The following GPC5 variants were observed in gnomAD, a reference collection of about 807,000 sequenced individuals.
GPC5 encodes the protein glypican 5.
A neutral mutation model predicts 53.9 loss-of-function variants in GPC5; 47 were observed. The ratio of observed to expected loss-of-function variants is 0.87; its 90% CI spans 0.69 to 1.11. The LOEUF (loss-of-function observed/expected upper bound fraction) is 1.11, where lower values mean the gene tolerates loss of function less well. Among genes scored for constraint, GPC5 ranks in the 50% most tolerant of loss-of-function variants. The pLI is 0.00. For synonymous variants in GPC5, 286 were observed against 263.3 expected (o/e 1.09, Z -0.84); for missense variants, 748 against 713.1 (o/e 1.05, Z -0.56).
intron 7 of GPC5, among the ~76,000 whole-genome samples, chr13:92,505,640 T>C (rs2138942023): frequency 6.6e-6 from 1 of 152,212 alleles, no homozygotes; most frequent in Admixed American, 6.6e-5. Flanking sequence ...CTTAGATTTA[T>C]ACAAAACCTA....
At chr13:92,039,044 A>G (rs534775500) in intron 6 of GPC5, among the ~76,000 whole-genome samples, 1 of 152,338 alleles carries the variant, frequency 6.6e-6, no homozygotes, top group South Asian at 2.1e-4. Flanking sequence ...TTTTCTATTA[A>G]GCAAGAAAGA....
At chr13:92,831,996 T>C (rs1412412740) in intron 7 of GPC5, among the ~76,000 whole-genome samples, 2 of 152,166 alleles carry the variant, frequency 1.3e-5, no homozygotes, top group Non-Finnish European at 2.9e-5. Context: ...ATCATATATG[T>C]TCTTTACTAA....
At chr13:91,927,929 G>A (rs2039784291) in intron 6 of GPC5, among the ~76,000 whole-genome samples, 1 of 152,094 alleles carries the variant, frequency 6.6e-6, no homozygotes, top group South Asian at 2.1e-4. Context: ...GCAAGAATAT[G>A]GAAGTATTTC....
intron 7 of GPC5, among the ~76,000 whole-genome samples, chr13:92,645,609 T>C (rs887066582): frequency 3.3e-5 from 5 of 152,176 alleles, no homozygotes; most frequent in African/African-American, 1.2e-4. Flanking sequence ...AGTGCTAATC[T>C]GTTTTCCAAA....
At chr13:91,687,357 G>T (rs546854781) in intron 2 of GPC5, among the ~76,000 whole-genome samples, 113 of 151,744 alleles carry the variant, frequency 7.4e-4, no homozygotes, top group Non-Finnish European at 1.2e-3. Context: ...ATCATTTGTG[G>T]GTTTAATAAA....
chr13:92,252,013 C>T (rs1280738132), intron 7 of GPC5, among the ~76,000 whole-genome samples: 1 of 152,046 alleles, frequency 6.6e-6, no homozygotes, highest in Non-Finnish European at 1.5e-5. Flanking sequence ...ATAATCTGTT[C>T]AGTGTGGTTA....
At chr13:91,705,676 A>T (rs1457686311) in intron 3 of GPC5, among the ~76,000 whole-genome samples, 2 of 149,794 alleles carry the variant, frequency 1.3e-5, no homozygotes, top group Non-Finnish European at 3.0e-5. Context: ...ACTTGGGTGG[A>T]GAAGGACTCT....
At chr13:92,012,815 C>T (rs1433742808) in intron 6 of GPC5, among the ~76,000 whole-genome samples, 1 of 152,204 alleles carries the variant, frequency 6.6e-6, no homozygotes, top group Non-Finnish European at 1.5e-5. Context: ...TTTCTCTTGG[C>T]CCCTTTGTCA....
intron 7 of GPC5, among the ~76,000 whole-genome samples, chr13:92,256,894 G>T (rs541836157): frequency 8.2e-4 from 124 of 152,104 alleles, no homozygotes; most frequent in African/African-American, 2.9e-3. Context: ...AAAGGAAATA[G>T]TTACTGAATG....
intron 7 of GPC5, among the ~76,000 whole-genome samples, chr13:92,467,166 T>C (rs983910085): frequency 6.6e-6 from 1 of 152,144 alleles, no homozygotes; most frequent in Non-Finnish European, 1.5e-5. Context: ...TGTTTGAACA[T>C]CATAAGACTG....
intron 7 of GPC5, among the ~76,000 whole-genome samples, chr13:92,282,289 AC>A (rs1471627946): frequency 6.6e-6 from 1 of 152,226 alleles, no homozygotes; most frequent in Non-Finnish European, 1.5e-5. Context: ...CCTGAAAGTG[AC>A]GGGGAGAATG....
chr13:91,723,259 TA>T (rs1298203717), intron 3 of GPC5, among the ~76,000 whole-genome samples: 4 of 152,110 alleles, frequency 2.6e-5, no homozygotes, highest in Non-Finnish European at 5.9e-5. Flanking sequence ...CAGTATATTA[TA>T]CGAGTTCTCT....
chr13:91,580,319 G>A (rs2032312589), intron 2 of GPC5, among the ~76,000 whole-genome samples: 1 of 152,036 alleles, frequency 6.6e-6, no homozygotes, highest in Non-Finnish European at 1.5e-5. Context: ...CAAAGTGCTG[G>A]GATTACAGGA....
chr13:91,696,817 A>G (rs2035888592), intron 3 of GPC5, among the ~76,000 whole-genome samples: 2 of 152,224 alleles, frequency 1.3e-5, no homozygotes, highest in Admixed American at 6.5e-5. Context: ...TAAATTTCAT[A>G]ATTCTGTGAT....
intron 7 of GPC5, among the ~76,000 whole-genome samples, chr13:92,862,036 C>T (rs958281539): frequency 1.3e-5 from 2 of 152,126 alleles, no homozygotes; most frequent in African/African-American, 4.8e-5. Flanking sequence ...GTGGCAAAGC[C>T]AGAATTTGAC....
chr13:92,717,290 T>C (rs1888364726), intron 7 of GPC5, among the ~76,000 whole-genome samples: 1 of 152,074 alleles, frequency 6.6e-6, no homozygotes, highest in African/African-American at 2.4e-5. Flanking sequence ...GAGATCCTGG[T>C]TATGTGAATT....
At chr13:92,047,327 C>T (rs976820764) in intron 6 of GPC5, among the ~76,000 whole-genome samples, 3 of 151,894 alleles carry the variant, frequency 2.0e-5, no homozygotes, top group Non-Finnish European at 4.4e-5. Flanking sequence ...TAGACCAACA[C>T]CAAGGAGATG....
chr13:92,718,730 G>A (rs775652834), intron 7 of GPC5, among the ~76,000 whole-genome samples: 28 of 151,696 alleles, frequency 1.8e-4, no homozygotes, highest in African/African-American at 5.6e-4. Context: ...AAACTTAGCC[G>A]GGCATGATTG....
At chr13:91,974,567 G>A (rs1021594136) in intron 6 of GPC5, among the ~76,000 whole-genome samples, 4 of 152,216 alleles carry the variant, frequency 2.6e-5, no homozygotes, top group Non-Finnish European at 4.4e-5. Flanking sequence ...TACAAGGGAT[G>A]TGAAGGACCT....
Sources: allele counts gnomAD v4.1 joint callset (sites outside exome capture counted in the v4.1 genomes callset), GRCh38; gene constraint gnomAD v4.1.1; transcripts MANE v1.5; gene names NCBI Gene and HGNC (gene_info 2026-07-23, HGNC 2026-07-21).